Variants in PACRG observed in about 807,000 individuals in gnomAD.
The protein encoded by PACRG is parkin coregulated gene protein.
A neutral mutation model predicts 29.7 loss-of-function variants in PACRG; 29 were observed. The observed-to-expected ratio is 0.98, with a 90% confidence interval of 0.73 to 1.33. PACRG has a LOEUF of 1.33. PACRG is among the 40% of genes most tolerant of loss of function. The pLI is 0.00. For synonymous variants in PACRG, 116 were observed against 118.7 expected (o/e 0.98, Z 0.15); for missense variants, 279 against 316.2 (o/e 0.88, Z 0.89).
chr6:163,077,879 A>G (rs1812690091), intron 3 of PACRG, among the ~76,000 whole-genome samples: 1 of 152,120 alleles, frequency 6.6e-6, no homozygotes, highest in Admixed American at 6.5e-5. Flanking sequence ...GAACAGGGGA[A>G]TGAGGAAGGG....
chr6:162,829,879 C>T (rs1788601969), intron 2 of PACRG, among the ~76,000 whole-genome samples: 2 of 152,122 alleles, frequency 1.3e-5, no homozygotes, highest in South Asian at 2.1e-4. Flanking sequence ...CCTGTCATCA[C>T]TCAATCCCTA....
intron 4 of PACRG, among the ~76,000 whole-genome samples, chr6:163,244,151 G>C (rs1782607370): frequency 6.6e-6 from 1 of 152,160 alleles, no homozygotes; most frequent in Non-Finnish European, 1.5e-5. Context: ...TCCTAATCTG[G>C]AATATAGTCT....
intron 4 of PACRG, among the ~76,000 whole-genome samples, chr6:163,195,889 A>C (rs995602443): frequency 2.6e-5 from 4 of 151,984 alleles, no homozygotes; most frequent in African/African-American, 9.7e-5. Flanking sequence ...ATCTCCTCCC[A>C]GCTCGGGATC....
chr6:162,735,460 G>A (rs1437522579), intron 1 of PACRG, among the ~76,000 whole-genome samples: 2 of 151,930 alleles, frequency 1.3e-5, no homozygotes, highest in African/African-American at 4.8e-5. Flanking sequence ...TTATATCCTT[G>A]TCATTTGAAT....
intron 4 of PACRG, among the ~76,000 whole-genome samples, chr6:163,234,797 T>C (rs1440926731): frequency 6.6e-6 from 1 of 152,154 alleles, no homozygotes; most frequent in Non-Finnish European, 1.5e-5. Context: ...TGAGCAACAA[T>C]GCTGTCTTGG....
chr6:162,914,633 G>A (rs1257201917), intron 2 of PACRG, among the ~76,000 whole-genome samples: 1 of 145,400 alleles, frequency 6.9e-6, no homozygotes, highest in Non-Finnish European at 1.5e-5. Context: ...ATTTTGTTTA[G>A]GATTGCATTG....
chr6:162,939,285 T>C (rs1418142562), intron 2 of PACRG, among the ~76,000 whole-genome samples: 1 of 152,142 alleles, frequency 6.6e-6, no homozygotes, highest in Non-Finnish European at 1.5e-5. Context: ...ATCTAAGACC[T>C]GAAACTATAA....
chr6:163,109,304 T>C (rs1815578087), intron 4 of PACRG, among the ~76,000 whole-genome samples: 1 of 152,224 alleles, frequency 6.6e-6, no homozygotes, highest in Admixed American at 6.5e-5. Flanking sequence ...CCCACCCCAC[T>C]GTTGCCAGCT....
Position 163,276,742 on chromosome 6 carries a change from C to T in PACRG, c.614-38085C>T, listed in dbSNP as rs571542141. Among the ~76,000 whole-genome samples the T allele has an allele frequency of 4.0e-4, 61 of 152,260 alleles. 2 individuals are homozygous for T. In the South Asian group the frequency reaches 0.012, roughly 29 times the overall value. ...AATGAGCTTGAGGGAGCCCTTTTTG[C>T]ACTTTCACCACGTGAGGACACATAG... On this transcript the variant is annotated intron_variant, in intron 4 of 4. Coordinates refer to ENST00000366888, the MANE Select transcript of PACRG (RefSeq NM_001080379.2).
intron 2 of PACRG, among the ~76,000 whole-genome samples, chr6:162,973,436 G>A (rs566942954): frequency 1.3e-5 from 2 of 152,302 alleles, no homozygotes; most frequent in Non-Finnish European, 2.9e-5. Flanking sequence ...AGCCCTTGCT[G>A]GTAGGACCTC....
At chr6:163,066,263 C>G (rs1349677022) in intron 3 of PACRG, among the ~76,000 whole-genome samples, 1 of 152,128 alleles carries the variant, frequency 6.6e-6, no homozygotes, top group Admixed American at 6.5e-5. Context: ...GACAACAGAG[C>G]ACCTTTTAGA....
At chr6:162,903,888 A>C (rs781465064) in intron 2 of PACRG, among the ~76,000 whole-genome samples, 15 of 152,168 alleles carry the variant, frequency 9.9e-5, no homozygotes, top group Non-Finnish European at 2.2e-4. Flanking sequence ...CATTCCAGAG[A>C]AACAGAACCA....
chr6:163,229,243 G>A (rs912945814), intron 4 of PACRG, among the ~76,000 whole-genome samples: 1 of 152,118 alleles, frequency 6.6e-6, no homozygotes, highest in Non-Finnish European at 1.5e-5. Flanking sequence ...TGGCACTCAG[G>A]GGGCTGGGGC....
chr6:163,088,404 C>T (rs1222367905), intron 3 of PACRG, among the ~76,000 whole-genome samples: 1 of 152,146 alleles, frequency 6.6e-6, no homozygotes, highest in Non-Finnish European at 1.5e-5. Flanking sequence ...AACCATGGTA[C>T]TTTTAGCCAT....
intron 4 of PACRG, among the ~76,000 whole-genome samples, chr6:163,131,315 CA>C (rs55958953): frequency 0.097 from 12,857 of 132,830 alleles, 494 homozygotes; most frequent in African/African-American, 0.2. Context: ...CTGTCTCAAA[CA>C]AAAAAAAAAA....
chr6:162,734,052 A>G (rs1333150485), intron 1 of PACRG, among the ~76,000 whole-genome samples: 1 of 152,158 alleles, frequency 6.6e-6, no homozygotes, highest in East Asian at 1.9e-4. Context: ...GCTGCCATTT[A>G]TCTTATTTTG....
At chr6:162,754,891 C>T (rs1176380679) in intron 1 of PACRG, among the ~76,000 whole-genome samples, 2 of 152,120 alleles carry the variant, frequency 1.3e-5, no homozygotes, top group Non-Finnish European at 2.9e-5. Flanking sequence ...TAGAATTCCA[C>T]AGTAAAGCCA....
chr6:163,087,097 A>G (rs1169365442), intron 3 of PACRG, among the ~76,000 whole-genome samples: 1 of 152,164 alleles, frequency 6.6e-6, no homozygotes, highest in Non-Finnish European at 1.5e-5. Flanking sequence ...GGAGAAAGAC[A>G]GAAAGAAAAG....
At chr6:162,771,649 GA>G (rs1479363385) in intron 1 of PACRG, among the ~76,000 whole-genome samples, 5 of 151,536 alleles carry the variant, frequency 3.3e-5, no homozygotes, top group Non-Finnish European at 4.4e-5. Flanking sequence ...ATACTGTCAA[GA>G]AAAAAAGAAA....
Sources: allele counts gnomAD v4.1 joint callset (sites outside exome capture counted in the v4.1 genomes callset), GRCh38; gene constraint gnomAD v4.1.1; transcripts MANE v1.5; gene names NCBI Gene and HGNC (gene_info 2026-07-23, HGNC 2026-07-21).